The following DENND1B variants were observed in gnomAD, a reference collection of about 807,000 sequenced individuals.
DENND1B encodes DENN domain-containing protein 1B.
Under a neutral mutation model 90.1 loss-of-function variants are expected in DENND1B, and 59 were observed. That is an observed-to-expected ratio of 0.65 (90% CI 0.53 to 0.81). The LOEUF (loss-of-function observed/expected upper bound fraction) is 0.81, where lower values mean the gene tolerates loss of function less well. Among genes scored for constraint, DENND1B ranks in the 40% least tolerant of loss-of-function variants. DENND1B has a pLI of 0.00. For synonymous variants in DENND1B, 337 were observed against 324.6 expected, an observed-to-expected ratio of 1.04 and a Z score of -0.41; for missense variants, 862 against 912.6, an observed-to-expected ratio of 0.94 and a Z score of 0.71.
intron 2 of DENND1B, among the ~76,000 whole-genome samples, chr1:197,760,444 G>A (rs1654895490): frequency 6.6e-6 from 1 of 152,052 alleles, no homozygotes; most frequent in East Asian, 1.9e-4. Flanking sequence ...GAGCTCAGGA[G>A]TTCAAGACCA....
intron 10 of DENND1B, among the ~76,000 whole-genome samples, chr1:197,632,329 T>C (rs1679398743): frequency 6.6e-6 from 1 of 152,152 alleles, no homozygotes; most frequent in African/African-American, 2.4e-5. Flanking sequence ...TTTTGTAGTC[T>C]GATTTCTCTC....
intron 3 of DENND1B, chr1:197,689,476 G>A (rs1657623115): frequency 1.3e-5 from 2 of 152,198 alleles, no homozygotes; most frequent in African/African-American, 4.8e-5. Context: ...AATTGACTGT[G>A]CTATCCTTAC....
intron 15 of DENND1B, among the ~76,000 whole-genome samples, chr1:197,575,874 C>T (rs1238898675): frequency 6.6e-6 from 1 of 152,092 alleles, no homozygotes; most frequent in Non-Finnish European, 1.5e-5. Flanking sequence ...TAGGTAGGAA[C>T]TGAACAATGA....
rs187428284 is a variant in DENND1B, at chr1:197,620,583, T to C, written c.673-2824A>G. 2.0e-5 allele frequency among the ~76,000 whole-genome samples: 3 copies of C among 151,488 alleles called. No individual in the cohort carries two copies. In the East Asian group the frequency reaches 5.8e-4, roughly 29 times the overall value. ...ACGGAATACTATGACTGGACTATAATTCAGATCCACTTTCAAAATATATCT... is the reference window on the plus strand; with the variant it reads ...ACGGAATACTATGACTGGACTATAACTCAGATCCACTTTCAAAATATATCT... On this transcript the variant is annotated intron_variant, in intron 10 of 22. Coordinates refer to ENST00000620048, the MANE Select transcript of DENND1B (RefSeq NM_001195215.2).
chr1:197,507,352 A>T lies in DENND1B; in HGVS notation c.*3108T>A, dbSNP rs537571194. The T allele has an allele frequency of 2.6e-5, 4 of 151,420 alleles. No homozygotes were observed. Among genetic ancestry groups the T allele is most frequent in the African/African-American group, 7.2e-5 (3 of 41,458 alleles). 9.4% of individuals were successfully genotyped at this position (151,420 alleles called of 1,614,324 possible). ...ATGAACATGTTATTAACTAATTTTA[A>T]TTAACTGAAAAAATAATCATGCTAT... On this transcript the variant is annotated 3_prime_UTR_variant, in exon 23 of 23. Coordinates refer to ENST00000620048, the MANE Select transcript of DENND1B (RefSeq NM_001195215.2).
At chr1:197,646,971 G>T (rs532542008) in intron 8 of DENND1B, 84 bp downstream of exon 8, 15 of 1,002,994 alleles carry the variant, frequency 1.5e-5, no homozygotes, top group Non-Finnish European at 2.0e-5. Context: ...AAGGGCTGGA[G>T]TGAAGCTTAA....
At chr1:197,727,997 C>T (rs370720923) in intron 2 of DENND1B, among the ~76,000 whole-genome samples, 1 of 152,034 alleles carries the variant, frequency 6.6e-6, no homozygotes, top group Non-Finnish European at 1.5e-5. Flanking sequence ...AAATGGATCG[C>T]CCCTACATAT....
chr1:197,640,924 T>C (rs142183021), intron 10 of DENND1B, among the ~76,000 whole-genome samples: 403 of 152,150 alleles, frequency 2.6e-3, no homozygotes, highest in African/African-American at 3.5e-3. Context: ...CTGGGCAACA[T>C]AGCAAGACCC....
At chr1:197,663,001 C>T (rs748346902) in intron 5 of DENND1B, among the ~76,000 whole-genome samples, 3 of 151,984 alleles carry the variant, frequency 2.0e-5, no homozygotes, top group Non-Finnish European at 2.9e-5. Context: ...TTTGGTATTG[C>T]TTCTGTGTTC....
intron 2 of DENND1B, chr1:197,746,822 T>C (rs1217645691): frequency 3.7e-6 from 6 of 1,610,870 alleles, no homozygotes; most frequent in Middle Eastern, 2.2e-4. Context: ...TTTCTTCTTT[T>C]TGGGGGCAGC....
chr1:197,728,368 CTA>C (rs1237289750), intron 2 of DENND1B, among the ~76,000 whole-genome samples: 1 of 152,184 alleles, frequency 6.6e-6, no homozygotes, highest in Non-Finnish European at 1.5e-5. Flanking sequence ...AATGTGATAT[CTA>C]AAACTAAGTG....
At position 197,510,543 on chromosome 1, in the gene DENND1B, C is replaced by T. The variant is rs1667948832; in HGVS notation, c.2245G>A (p.Val749Ile). ...TSEDIGLLHEVVSLCHMTSDF... is the reference protein window; with the variant it reads ...TSEDIGLLHEIVSLCHMTSDF... ...GATGTCATATGACATAATGACACTA[C>T]TTCATGGAGCAGTCCAATATCTTCT... Residue 749 changes from valine to isoleucine, a missense_variant, in exon 23 of 23, where the codon GTA (valine) becomes ATA (isoleucine). Val to Ile is a conservative substitution (Grantham distance 29, BLOSUM62 3). Transcript: ENST00000620048. The T allele has an allele frequency of 1.2e-6, 2 of 1,612,566 alleles. No individual in the cohort carries two copies. Among genetic ancestry groups the T allele is most frequent in the Non-Finnish European group, 1.7e-6 (2 of 1,179,122 alleles).
intron 15 of DENND1B, among the ~76,000 whole-genome samples, chr1:197,571,329 T>C (rs1463864805): frequency 1.3e-5 from 2 of 152,228 alleles, no homozygotes; most frequent in Admixed American, 1.3e-4. Context: ...CCTTGTATGA[T>C]CTGTCCCTTT....
At chr1:197,547,248 A>G (rs1002655715) in intron 16 of DENND1B, among the ~76,000 whole-genome samples, 3 of 149,652 alleles carry the variant, frequency 2.0e-5, no homozygotes, top group Non-Finnish European at 4.4e-5. Context: ...AGCCTGGGAG[A>G]CAGGGCAAGA....
At chr1:197,634,586 T>C (rs1370916266) in intron 10 of DENND1B, among the ~76,000 whole-genome samples, 1 of 152,218 alleles carries the variant, frequency 6.6e-6, no homozygotes, top group Admixed American at 6.5e-5. Flanking sequence ...GATGTATTAA[T>C]ACATTTTTCC....
chr1:197,715,857 T>A (rs1660596629), intron 2 of DENND1B, among the ~76,000 whole-genome samples: 1 of 151,852 alleles, frequency 6.6e-6, no homozygotes, highest in Non-Finnish European at 1.5e-5. Flanking sequence ...ATACTTATTG[T>A]TTAATTCTGT....
chr1:197,664,819 G>A (rs569755358), intron 5 of DENND1B, among the ~76,000 whole-genome samples: 14 of 152,198 alleles, frequency 9.2e-5, no homozygotes, highest in African/African-American at 3.4e-4. Context: ...CCCAAAGGAA[G>A]AGTGTGAAAG....
At chr1:197,753,487 T>C (rs1653831765) in intron 2 of DENND1B, among the ~76,000 whole-genome samples, 1 of 152,086 alleles carries the variant, frequency 6.6e-6, no homozygotes. Flanking sequence ...CGTGTCATTA[T>C]ACTTTTGTCA....
chr1:197,645,825 T>A (rs866610292), intron 8 of DENND1B, 82 bp from the exon 9 acceptor site: 8 of 922,458 alleles, frequency 8.7e-6, no homozygotes, highest in Middle Eastern at 3.3e-4. Context: ...CAGAAAAAAA[T>A]ATATTGAGTA....
Sources: gnomAD v4.1 joint callset for allele counts (sites outside exome capture counted in the v4.1 genomes callset) on GRCh38, gnomAD v4.1.1 for gene constraint, MANE v1.5 for transcripts, NCBI Gene and HGNC (gene_info 2026-07-23, HGNC 2026-07-21) for gene names.